SLC5A1: variants seen among roughly 807,000 people sequenced by gnomAD.
SLC5A1 encodes sodium/glucose cotransporter 1.
In SLC5A1, 42 loss-of-function variants were observed where a neutral mutation model predicts 73.5. That is an observed-to-expected ratio of 0.57 (90% confidence interval 0.45 to 0.74). The LOEUF is 0.74. Among genes scored for constraint, SLC5A1 ranks in the 30% least tolerant of loss-of-function variants. SLC5A1 has a pLI of 0.00. For synonymous variants in SLC5A1, 300 were observed against 317.4 expected (o/e 0.95, Z 0.58); for missense variants, 634 against 855.4 (o/e 0.74, Z 3.23).
At position 32,080,495 on chromosome 22, in the gene SLC5A1, T is replaced by C. The variant is rs555515882; in HGVS notation, c.478-1371T>C. On this transcript the variant is annotated intron_variant, in intron 5 of 14. Coordinates refer to ENST00000266088, the MANE Select transcript of SLC5A1 (RefSeq NM_000343.4). The stretch of plus-strand genomic sequence containing the variant: ...AGGGCCCTCAGGAGCAGCAATGGGA[T>C]GGGGACTGGGAAACGGAACTAGAGA... 4.6e-5 allele frequency among the ~76,000 whole-genome samples: 7 copies of C among 152,054 alleles called. No individual in the cohort carries two copies. The South Asian group carries it at 1.5e-3, about 32-fold the overall frequency.
In SLC5A1 at chr22:32,110,290, G is replaced by C. The variant is rs2094054162; in HGVS notation, c.*77G>C. On this transcript the variant is annotated 3_prime_UTR_variant, in exon 15 of 15. Transcript: ENST00000266088. ...TTTAGTCTCGTCCTGTGGTGTTGAA[G>C]GGAAATCAGCCAGTTGTAAATTTTG... 8.5e-7 allele frequency: 1 copy of C among 1,176,394 alleles called. No homozygotes were observed. The highest frequency in any genetic ancestry group is 1.3e-6 in the Non-Finnish European group (1 of 788,688). The allele number at this position is 1,176,394 out of a possible 1,614,324, so 72.9% of individuals were successfully genotyped here. A position where few individuals can be genotyped will look rare whatever the true frequency, so the allele number is the denominator to read the frequency against.
intron 2 of SLC5A1, among the ~76,000 whole-genome samples, chr22:32,062,478 C>T (rs1368339518): frequency 6.6e-6 from 1 of 152,216 alleles, no homozygotes; most frequent in East Asian, 1.9e-4. Flanking sequence ...CTCAGTTCAT[C>T]TTGCACAACA....
intron 2 of SLC5A1, among the ~76,000 whole-genome samples, chr22:32,066,349 T>C (rs1330680699): frequency 6.6e-6 from 1 of 152,082 alleles, no homozygotes; most frequent in Non-Finnish European, 1.5e-5. Context: ...TTATTATTAA[T>C]ATCATCTCTG....
At chr22:32,087,958 G>A (rs2094010859) in intron 10 of SLC5A1, among the ~76,000 whole-genome samples, 1 of 152,156 alleles carries the variant, frequency 6.6e-6, no homozygotes, top group African/African-American at 2.4e-5. Context: ...AGGAATTCGG[G>A]AGAGTCTTTT....
At chr22:32,107,966 T>C (rs949783525) in intron 14 of SLC5A1, among the ~76,000 whole-genome samples, 1 of 152,178 alleles carries the variant, frequency 6.6e-6, no homozygotes, top group African/African-American at 2.4e-5. Context: ...GATCATAACA[T>C]GTTTTAATTA....
intron 5 of SLC5A1, among the ~76,000 whole-genome samples, chr22:32,081,176 A>G (rs926194702): frequency 2.6e-5 from 4 of 152,076 alleles, no homozygotes; most frequent in Admixed American, 2.0e-4. Flanking sequence ...AAGAGACAGG[A>G]AGGAGGAGAA....
intron 2 of SLC5A1, among the ~76,000 whole-genome samples, chr22:32,056,588 A>G (rs770555196): frequency 1.3e-5 from 2 of 152,110 alleles, no homozygotes; most frequent in Non-Finnish European, 2.9e-5. Context: ...ATTATGTTAA[A>G]GTTTAAGGAC....
intron 14 of SLC5A1, 40 bp from the exon 15 acceptor site, chr22:32,109,950 C>T: frequency 6.4e-7 from 1 of 1,557,456 alleles, no homozygotes; most frequent in African/African-American, 1.4e-5. Flanking sequence ...CTAGTCCATC[C>T]TGCTTCTGTG....
At chr22:32,084,226 A>G (rs2094004383) in intron 7 of SLC5A1, among the ~76,000 whole-genome samples, 1 of 152,264 alleles carries the variant, frequency 6.6e-6, no homozygotes, top group Non-Finnish European at 1.5e-5. Context: ...TGGTCCCCAT[A>G]ATAGCCCCCA....
chr22:32,089,414 C>T (rs762472119), intron 10 of SLC5A1, among the ~76,000 whole-genome samples: 2 of 149,576 alleles, frequency 1.3e-5, no homozygotes, highest in Non-Finnish European at 3.0e-5. Context: ...GAATTGTGTT[C>T]CAAAAAGATC....
intron 5 of SLC5A1, among the ~76,000 whole-genome samples, chr22:32,078,030 T>A (rs1448618451): frequency 6.6e-6 from 1 of 152,230 alleles, no homozygotes; most frequent in Non-Finnish European, 1.5e-5. Flanking sequence ...AAAGTTGCAA[T>A]TAGAATATGC....
chr22:32,087,609 A>G (rs2094010317), intron 10 of SLC5A1, among the ~76,000 whole-genome samples: 1 of 152,212 alleles, frequency 6.6e-6, no homozygotes, highest in Non-Finnish European at 1.5e-5. Context: ...CTGAGTACTT[A>G]GCTGTGACTC....
At chr22:32,051,984 G>A (rs2093945654) in intron 2 of SLC5A1, among the ~76,000 whole-genome samples, 1 of 152,174 alleles carries the variant, frequency 6.6e-6, no homozygotes, top group Non-Finnish European at 1.5e-5. Flanking sequence ...TAAACCCTCA[G>A]GTTTAGCTCT....
intron 10 of SLC5A1, among the ~76,000 whole-genome samples, chr22:32,087,101 G>A (rs2094009550): frequency 6.6e-6 from 1 of 152,098 alleles, no homozygotes; most frequent in Admixed American, 6.5e-5. Context: ...TAGGGGTTGG[G>A]GTGGGGATCT....
At chr22:32,077,993 T>G (rs149749339) in intron 5 of SLC5A1, among the ~76,000 whole-genome samples, 7,000 of 152,328 alleles carry the variant, frequency 0.046, 193 homozygotes, top group Middle Eastern at 0.065. Context: ...TATTTTGGCC[T>G]TGCTCAAATT....
Position 32,092,459 on chromosome 22 carries a change from G to C in SLC5A1, c.1280+697G>C, listed in dbSNP as rs142784094. Among the ~76,000 whole-genome samples the C allele has an allele frequency of 7.1e-4, 108 of 152,316 alleles. No homozygotes were observed. In the East Asian group the frequency reaches 0.019, roughly 26 times the overall value. ...ATAACGACTTCTTTTCCTCTGGGTA[G>C]ATACCCAGTAGTGGGATTGCTGGAT... On this transcript the variant is annotated intron_variant, in intron 11 of 14. Coordinates refer to ENST00000266088, the MANE Select transcript of SLC5A1 (RefSeq NM_000343.4).
At chr22:32,065,142 T>C (rs1398600144) in intron 2 of SLC5A1, among the ~76,000 whole-genome samples, 2 of 152,126 alleles carry the variant, frequency 1.3e-5, no homozygotes, top group African/African-American at 4.8e-5. Flanking sequence ...TGGCCGGGTC[T>C]CACTATGTTG....
chr22:32,084,904 T>C lies in SLC5A1; in HGVS notation c.890T>C (p.Ile297Thr), dbSNP rs1569310917. 5.6e-6 allele frequency: 9 copies of C among 1,614,170 alleles called. No homozygotes were observed. The highest frequency in any genetic ancestry group is 6.8e-6 in the Non-Finnish European group (8 of 1,180,024). ...TTACTGGGCTTTTTCTGGCAGGTCA[T>C]TGTGCAGCGCTGCCTCTCAGCCAAG... is the stretch of plus-strand genomic sequence containing the variant. ...TLWYWCTDQV[I>T]VQRCLSAKNM... Residue 297 changes from isoleucine to threonine, a missense_variant, in exon 9 of 15, where the codon ATT (isoleucine) becomes ACT (threonine). By Grantham distance (89) the Ile-to-Thr change is moderately conservative. Transcript: ENST00000266088.
chr22:32,076,961 A>G (rs911750121), intron 5 of SLC5A1, among the ~76,000 whole-genome samples: 1 of 152,230 alleles, frequency 6.6e-6, no homozygotes, highest in Non-Finnish European at 1.5e-5. Context: ...TTTTGTAAGT[A>G]AAGTTTTACT....
Sources: gnomAD v4.1 joint callset for allele counts (sites outside exome capture counted in the v4.1 genomes callset) on GRCh38, gnomAD v4.1.1 for gene constraint, MANE v1.5 for transcripts, NCBI Gene and HGNC (gene_info 2026-07-23, HGNC 2026-07-21) for gene names.